ANKRD11: variants seen among roughly 807,000 people sequenced by gnomAD.
ANKRD11 encodes ankyrin repeat domain 11.
ANKRD11 carries 17 observed loss-of-function variants against 195.7 expected under a neutral mutation model. That is an observed-to-expected ratio of 0.09 (90% CI 0.06 to 0.13). The LOEUF is 0.13. ANKRD11 is among the 10% of genes least tolerant of loss of function. The probability of loss-of-function intolerance (pLI) is 1.00; values close to 1 mark genes in which losing one functional copy is unlikely to be tolerated. For missense variants in ANKRD11, 3,735 were observed against 3,566.1 expected (o/e 1.05, Z -1.21); for synonymous variants, 1,953 against 1,528.1 (o/e 1.28, Z -6.49).
intron 1 of ANKRD11, among the ~76,000 whole-genome samples, chr16:89,442,772 G>A (rs1035968590): frequency 1.3e-5 from 2 of 152,096 alleles, no homozygotes; most frequent in Non-Finnish European, 1.5e-5. Context: ...CTCCCCGGTG[G>A]CAGGAAGGTG....
rs1352038712 is a variant in ANKRD11 at position 89,313,718 on chromosome 16, C to A, written c.87+3215G>T. 3 of 699,370 alleles carry A rather than the reference C, an allele frequency of 4.3e-6. No individual in the cohort carries two copies. The African/African-American group carries it at 5.6e-5, about 13-fold the overall frequency. The allele number at this position is 699,370 out of a possible 1,614,324, so 43.3% of individuals were successfully genotyped here. ...CAGGTCAGATGTGTGCACCTGAGTT[C>A]TGGCACTTGGGGCTCACTTCCTCCC... On this transcript the variant is annotated intron_variant, in intron 3 of 12. Transcript: ENST00000301030.
rs539846228 is a variant in ANKRD11, at chr16:89,402,227, G to A, written c.-60+16057C>T. On this transcript the variant is annotated intron_variant, in intron 2 of 12. Coordinates refer to ENST00000301030, the MANE Select transcript of ANKRD11 (RefSeq NM_013275.6). ...CCCTTCCAACAAAGGCAGGCGAAAT[G>A]TGGAACCAATTATATCTGGGTGCCT... is the stretch of plus-strand genomic sequence containing the variant. Among the ~76,000 whole-genome samples, 14 of 152,294 alleles carry A rather than the reference G, an allele frequency of 9.2e-5. No individual in the cohort carries two copies. In the South Asian group the frequency reaches 2.7e-3, roughly 29 times the overall value.
chr16:89,482,929 A>G (rs970424080), intron 1 of ANKRD11, among the ~76,000 whole-genome samples: 3 of 152,236 alleles, frequency 2.0e-5, no homozygotes, highest in Non-Finnish European at 4.4e-5. Context: ...TGGAGCCTCC[A>G]GAAGGAACCA....
intron 1 of ANKRD11, among the ~76,000 whole-genome samples, chr16:89,444,663 A>T (rs1334125478): frequency 6.6e-6 from 1 of 151,844 alleles, no homozygotes; most frequent in African/African-American, 2.4e-5. Context: ...TAGAAATTCT[A>T]CTCCAGGCAT....
chr16:89,376,269 C>CT (rs1226048538), intron 2 of ANKRD11, among the ~76,000 whole-genome samples: 1 of 152,104 alleles, frequency 6.6e-6, no homozygotes, highest in African/African-American at 2.4e-5. Context: ...GGGGAAGCAG[C>CT]TGGAGAAGTG....
intron 2 of ANKRD11, among the ~76,000 whole-genome samples, chr16:89,406,355 C>A (rs947970500): frequency 6.6e-6 from 1 of 152,122 alleles, no homozygotes; most frequent in Non-Finnish European, 1.5e-5. Context: ...AAACCCACAC[C>A]TGGGCCTCGG....
At chr16:89,312,626 T>C (rs974024004) in intron 3 of ANKRD11, among the ~76,000 whole-genome samples, 1 of 104,136 alleles carries the variant, frequency 9.6e-6, no homozygotes, top group African/African-American at 4.1e-5. Context: ...GAAATCACCC[T>C]CTCCACGAGC....
At chr16:89,381,354 A>AAG (rs1555560066) in intron 2 of ANKRD11, among the ~76,000 whole-genome samples, 33 of 125,332 alleles carry the variant, frequency 2.6e-4, no homozygotes, top group African/African-American at 1.0e-3. Flanking sequence ...AAAAAAAAAA[A>AAG]GGGGTGAGAA....
intron 1 of ANKRD11, among the ~76,000 whole-genome samples, chr16:89,471,021 T>C (rs990331537): frequency 2.6e-5 from 4 of 151,360 alleles, no homozygotes; most frequent in Non-Finnish European, 5.9e-5. Flanking sequence ...CATGAAAGCA[T>C]GGGAGCCAAA....
chr16:89,287,855 G>A (rs1053898082), intron 7 of ANKRD11: 10 of 271,040 alleles, frequency 3.7e-5, no homozygotes, highest in Non-Finnish European at 5.6e-5. Context: ...AGAGGAGCAC[G>A]ACGGGCACCA....
chr16:89,307,679 G>A (rs2036370499), intron 3 of ANKRD11, among the ~76,000 whole-genome samples: 1 of 152,212 alleles, frequency 6.6e-6, no homozygotes, highest in South Asian at 2.1e-4. Context: ...CCGCCGCCTG[G>A]CTGCAGCTCC....
intron 9 of ANKRD11, chr16:89,278,159 G>A (rs1041041187): frequency 2.5e-5 from 7 of 284,728 alleles, no homozygotes; most frequent in African/African-American, 1.6e-4. Flanking sequence ...GAGCCAGAAC[G>A]CCACACGCTG....
chr16:89,277,257 C>T (rs1386089185), intron 9 of ANKRD11, among the ~76,000 whole-genome samples: 1 of 152,122 alleles, frequency 6.6e-6, no homozygotes, highest in Non-Finnish European at 1.5e-5. Flanking sequence ...AATGCACAGC[C>T]CAGGACCCGG....
intron 9 of ANKRD11, among the ~76,000 whole-genome samples, chr16:89,275,817 A>C (rs2033607625): frequency 6.6e-6 from 1 of 152,180 alleles, no homozygotes; most frequent in Admixed American, 6.5e-5. Flanking sequence ...GCATGCTGGA[A>C]GTGAATGAGG....
chr16:89,356,447 G>C (rs1030141135), intron 2 of ANKRD11, among the ~76,000 whole-genome samples: 4 of 152,052 alleles, frequency 2.6e-5, no homozygotes, highest in Admixed American at 6.5e-5. Context: ...CTTTCAAGCA[G>C]ACACTGCTTG....
At chr16:89,428,242 T>G (rs989300649) in intron 1 of ANKRD11, among the ~76,000 whole-genome samples, 2 of 151,454 alleles carry the variant, frequency 1.3e-5, no homozygotes, top group African/African-American at 2.4e-5. Context: ...ATAAAATTCT[T>G]TGGCCGGGCA....
rs2035038631 is a variant in ANKRD11 at position 89,291,158 on chromosome 16, C to T, written c.252G>A (p.Arg84=). ...DTEKQGPERK[R]IKKEPVTRKA... is the part of the protein sequence containing the mutation. ...TCCGGGTGACAGGCTCCTTCTTAAT[C>T]CTCTTCCGCTCAGGGCCCTGCTTCT... Residue 84 remains arginine (R), a synonymous_variant, in exon 5 of 13, where the codon AGG becomes AGA. Coordinates refer to ENST00000301030, the MANE Select transcript of ANKRD11 (RefSeq NM_013275.6). This position sits in a 1 kb window ranked among gnomAD's most constrained non-coding sequence, Gnocchi z 5.3. The T allele has an allele frequency of 6.2e-7, 1 of 1,613,870 alleles. No individual in the cohort carries two copies. The highest frequency in any genetic ancestry group is 8.5e-7 in the Non-Finnish European group (1 of 1,179,968).
chr16:89,464,237 T>TTAAAAAAA (rs2056804456), intron 1 of ANKRD11, among the ~76,000 whole-genome samples: 1 of 149,330 alleles, frequency 6.7e-6, no homozygotes, highest in Admixed American at 6.7e-5. Flanking sequence ...AGACTCCATC[T>TTAAAAAAA]CAAAAGAAAA....
At chr16:89,335,030 T>C (rs2151976747) in intron 2 of ANKRD11, among the ~76,000 whole-genome samples, 1 of 152,264 alleles carries the variant, frequency 6.6e-6, no homozygotes, top group East Asian at 1.9e-4. Flanking sequence ...GCACCTAAGA[T>C]GTGTGCCATT....
Sources: allele counts gnomAD v4.1 joint callset (sites outside exome capture counted in the v4.1 genomes callset), GRCh38; gene constraint gnomAD v4.1.1; non-coding constraint Gnocchi (gnomAD v3.1); transcripts MANE v1.5; gene names NCBI Gene and HGNC (gene_info 2026-07-23, HGNC 2026-07-21).